The following NTS variants were observed in gnomAD, a reference collection of about 807,000 sequenced individuals.
The protein encoded by NTS is neurotensin, also known as neurotensin/neuromedin N.
A neutral mutation model predicts 19.5 loss-of-function variants in NTS; 20 were observed. The observed-to-expected ratio is 1.02, with a 90% CI of 0.72 to 1.49. The LOEUF is 1.49. Ranked by LOEUF, NTS falls within the 40% of genes most tolerant of loss-of-function variation. The probability of loss-of-function intolerance (pLI) is 0.00; values close to 1 mark genes in which losing one functional copy is unlikely to be tolerated. For synonymous variants in NTS, 71 were observed against 63.3 expected, an observed-to-expected ratio of 1.12 and a Z score of -0.58; for missense variants, 215 against 193.1, an observed-to-expected ratio of 1.11 and a Z score of -0.67.
intron 3 of NTS, among the ~76,000 whole-genome samples, chr12:85,881,965 A>C (rs10863088): frequency 0.29 from 44,305 of 151,754 alleles, 6,793 homozygotes; most frequent in African/African-American, 0.33. Context: ...AAGTTTATAG[A>C]AATTTTTTAA....
At position 85,882,641 on chromosome 12, in the gene NTS, T is replaced by C. The variant is rs1376958220; in HGVS notation, c.*266T>C. 3.6e-6 allele frequency: 1 copy of C among 275,882 alleles called. No individual in the cohort carries two copies. Among genetic ancestry groups the C allele is most frequent in the African/African-American group, 2.2e-5 (1 of 44,860 alleles). The allele number at this position is 275,882 out of a possible 1,614,324, so 17.1% of individuals were successfully genotyped here. A position where few individuals can be genotyped will look rare whatever the true frequency, so the allele number is the denominator to read the frequency against. ...GTTTTGTAATTTTGCAAAACATATC[T>C]TGAGTTGTTTAAACAGTCAAAATGT... On this transcript the variant is annotated 3_prime_UTR_variant, in exon 4 of 4. Coordinates refer to ENST00000256010, the MANE Select transcript of NTS (RefSeq NM_006183.5).
intron 1 of NTS, among the ~76,000 whole-genome samples, chr12:85,874,783 A>G (rs1288215011): frequency 6.6e-6 from 1 of 152,214 alleles, no homozygotes; most frequent in Non-Finnish European, 1.5e-5. Flanking sequence ...ATCATTATCT[A>G]ATGAGAAATA....
In NTS at chr12:85,882,352, A is replaced by C; in HGVS notation, c.490A>C (p.Lys164Gln). Residue 164 changes from lysine (K) to glutamine (Q), a missense_variant, in exon 4 of 4, where the codon AAA (lysine) becomes CAA (glutamine). Physicochemically the swap from Lys to Gln is moderately conservative, Grantham distance 53. Transcript: ENST00000256010. ...TAAACCCAGAAGACCCTACATACTCAAAAGAGATTCTTACTATTACTGAGA... is the reference window on the plus strand; with the variant it reads ...TAAACCCAGAAGACCCTACATACTCCAAAGAGATTCTTACTATTACTGAGA... ...ENKPRRPYIL[K>Q]RDSYYY 1 of 1,584,070 alleles carries C rather than the reference A, an allele frequency of 6.3e-7. No homozygotes were observed. The highest frequency in any genetic ancestry group is 8.5e-7 in the Non-Finnish European group (1 of 1,171,052).
intron 2 of NTS, among the ~76,000 whole-genome samples, chr12:85,877,278 G>A (rs1356959949): frequency 6.6e-6 from 1 of 151,900 alleles, no homozygotes; most frequent in Non-Finnish European, 1.5e-5. Flanking sequence ...TGCAGGGATT[G>A]CAGTTCGTAA....
At chr12:85,875,541 C>T (rs1033531078) in intron 1 of NTS, among the ~76,000 whole-genome samples, 1 of 151,954 alleles carries the variant, frequency 6.6e-6, no homozygotes, top group African/African-American at 2.4e-5. Flanking sequence ...ACATAACTTT[C>T]AGCTTCTACT....
At chr12:85,882,015 G>A (rs1398059697) in intron 3 of NTS, among the ~76,000 whole-genome samples, 1 of 151,732 alleles carries the variant, frequency 6.6e-6, no homozygotes, top group African/African-American at 2.4e-5. Context: ...ACTGAACTGA[G>A]TCAGAATTAC....
chr12:85,881,125 T>C (rs1486159962), intron 3 of NTS, among the ~76,000 whole-genome samples: 2 of 152,182 alleles, frequency 1.3e-5, no homozygotes, highest in Non-Finnish European at 2.9e-5. Context: ...TATTGAGTGA[T>C]TTAAAATAAA....
rs1467519110 is a variant in NTS, at chr12:85,882,494, T to A, written c.*119T>A. On this transcript the variant is annotated 3_prime_UTR_variant, in exon 4 of 4. Coordinates refer to ENST00000256010, the MANE Select transcript of NTS (RefSeq NM_006183.5). Reference sequence around the variant, plus strand: ...ATCTGTCTCTTCTACAATTGTGGTTTATTGAATGTGATTTTTCTGCACTAA... The same window carrying A: ...ATCTGTCTCTTCTACAATTGTGGTTAATTGAATGTGATTTTTCTGCACTAA... 2.5e-6 allele frequency: 2 copies of A among 814,970 alleles called. No individual in the cohort carries two copies. The highest frequency in any genetic ancestry group is 3.5e-5 in the African/African-American group (2 of 56,614). 50.5% of individuals were successfully genotyped at this position (814,970 alleles called of 1,614,324 possible).
intron 1 of NTS, among the ~76,000 whole-genome samples, chr12:85,876,019 T>C (rs983096417): frequency 6.6e-6 from 1 of 152,030 alleles, no homozygotes; most frequent in African/African-American, 2.4e-5. Flanking sequence ...ACATGTGTTG[T>C]TGAACAGCTC....
At chr12:85,880,625 T>C (rs1034075541) in intron 3 of NTS, among the ~76,000 whole-genome samples, 24 of 152,220 alleles carry the variant, frequency 1.6e-4, no homozygotes, top group Admixed American at 5.2e-4. Context: ...CTATTGATTA[T>C]TTAATTAAAT....
intron 3 of NTS, 41 bp from the exon 4 acceptor site, chr12:85,882,182 T>G: frequency 6.8e-7 from 1 of 1,465,204 alleles, no homozygotes; most frequent in Non-Finnish European, 9.3e-7. Flanking sequence ...ACAAAAGAGT[T>G]TATTCATGTA....
chr12:85,880,989 GA>G (rs138394528), intron 3 of NTS, among the ~76,000 whole-genome samples: 11,341 of 152,016 alleles, frequency 0.075, 596 homozygotes, highest in Middle Eastern at 0.21. Context: ...AAAGAAACTT[GA>G]AAAATACATA....
intron 3 of NTS, among the ~76,000 whole-genome samples, chr12:85,881,672 C>T (rs998168704): frequency 2.0e-5 from 3 of 152,068 alleles, no homozygotes; most frequent in Non-Finnish European, 2.9e-5. Context: ...CTACAACTGA[C>T]GAAGTTGGAT....
intron 3 of NTS, 79 bp downstream of exon 3, chr12:85,878,648 A>T (rs1881402024): frequency 1.3e-6 from 1 of 795,450 alleles, no homozygotes; most frequent in Non-Finnish European, 1.8e-6. Flanking sequence ...TAAATTCCCA[A>T]TCATAATCAT....
chr12:85,880,415 A>G (rs1050276605), intron 3 of NTS, among the ~76,000 whole-genome samples: 3 of 152,158 alleles, frequency 2.0e-5, no homozygotes, highest in Non-Finnish European at 2.9e-5. Flanking sequence ...AACTTGGTCA[A>G]TATTTTATAT....
intron 3 of NTS, among the ~76,000 whole-genome samples, chr12:85,881,179 C>G (rs1409956959): frequency 2.0e-5 from 3 of 151,814 alleles, no homozygotes; most frequent in Admixed American, 2.0e-4. Context: ...AGACTATGCA[C>G]AAAAAAACTA....
In NTS at chr12:85,876,683, C is replaced by A; in HGVS notation, c.117C>A (p.Thr39=). The change falls in exon 2 of 4, where the codon ACC becomes ACA. Residue 39 remains threonine (T), a synonymous_variant. Transcript: ENST00000256010. ...AAGCATTAGAAGCAGATTTCTTGAC[C>A]AATATGCATACATCAAAGGTAACTT... ...EMKALEADFL[T]NMHTSKISKA... 2 of 1,581,416 alleles carry A rather than the reference C, an allele frequency of 1.3e-6. No homozygotes were observed. The highest frequency in any genetic ancestry group is 1.7e-6 in the Non-Finnish European group (2 of 1,159,324).
Position 85,876,699 on chromosome 12 carries a change from A to C in NTS, c.133A>C (p.Lys45Gln). 1 of 1,552,538 alleles carries C rather than the reference A, an allele frequency of 6.4e-7. No individual in the cohort carries two copies. Among genetic ancestry groups the C allele is most frequent in the Non-Finnish European group, 8.8e-7 (1 of 1,138,380 alleles). ...ADFLTNMHTS[K>Q]ISKAHVPSWK... is the part of the protein sequence containing the mutation. ...TTTCTTGACCAATATGCATACATCA[A>C]AGGTAACTTTTTCTTTTCTTTAACC... is the stretch of plus-strand genomic sequence containing the variant. The change falls in exon 2 of 4, where the codon AAG becomes CAG. Residue 45 changes from lysine (K) to glutamine (Q), a missense_variant and splice_region_variant. Physicochemically the swap from Lys to Gln is moderately conservative, Grantham distance 53. Transcript: ENST00000256010.
Position 85,882,946 on chromosome 12 carries a change from T to G in NTS, c.*571T>G, listed in dbSNP as rs764190569. The G allele has an allele frequency of 1.3e-5, 2 of 152,140 alleles. No individual in the cohort carries two copies. The highest frequency in any genetic ancestry group is 2.9e-5 in the Non-Finnish European group (2 of 67,964). 9.4% of individuals were successfully genotyped at this position (152,140 alleles called of 1,614,324 possible). On this transcript the variant is annotated 3_prime_UTR_variant, in exon 4 of 4. Coordinates refer to ENST00000256010, the MANE Select transcript of NTS (RefSeq NM_006183.5). ...ACATTGAACTGAATTTTTTGTCTGT[T>G]AAATGAACTTGATAGCTAATAAAAA...
Sources: gnomAD v4.1 joint callset for allele counts (sites outside exome capture counted in the v4.1 genomes callset) on GRCh38, gnomAD v4.1.1 for gene constraint, MANE v1.5 for transcripts, NCBI Gene and HGNC (gene_info 2026-07-23, HGNC 2026-07-21) for gene names.